Variants in SDK1 observed in about 807,000 individuals in gnomAD.
SDK1 encodes the protein protein sidekick-1.
Under a neutral mutation model 245.5 loss-of-function variants are expected in SDK1, and 157 were observed. That is an observed-to-expected ratio of 0.64 (90% CI 0.56 to 0.73). SDK1 has a LOEUF of 0.73. Ranked by LOEUF, SDK1 falls within the 30% of genes least tolerant of loss-of-function variation. The pLI is 0.00. For synonymous variants in SDK1, 1,647 were observed against 1,278.5 expected, an observed-to-expected ratio of 1.29 and a Z score of -6.15; for missense variants, 3,583 against 3,002.3, an observed-to-expected ratio of 1.19 and a Z score of -4.52.
At chr7:4,193,941 G>C (rs1411111960) in intron 35 of SDK1, among the ~76,000 whole-genome samples, 2 of 152,150 alleles carry the variant, frequency 1.3e-5, no homozygotes, top group African/African-American at 4.8e-5. Context: ...CACGAGCGGT[G>C]AATCAGGAGC....
In SDK1 at chr7:4,174,308, T is replaced by G. The variant is rs671756; in HGVS notation, c.4887T>G (p.Thr1629=). Residue 1629 remains threonine (T), a synonymous_variant, in exon 33 of 45, where the codon ACT becomes ACG. Transcript: ENST00000404826. ...RELEYEAGSG[T]EAKTLKNPIA... Reference sequence around the variant, plus strand: ...TGGAGTATGAAGCCGGGTCAGGCACTGAGGCCAAGACGCTCAAAAACCCTA... The same window carrying G: ...TGGAGTATGAAGCCGGGTCAGGCACGGAGGCCAAGACGCTCAAAAACCCTA... The G allele has an allele frequency of 1.9e-6, 3 of 1,613,698 alleles. No individual in the cohort carries two copies. The highest frequency in any genetic ancestry group is 8.5e-7 in the Non-Finnish European group (1 of 1,179,800).
intron 1 of SDK1, among the ~76,000 whole-genome samples, chr7:3,563,600 G>T (rs1229720657): frequency 6.6e-6 from 1 of 152,168 alleles, no homozygotes; most frequent in Non-Finnish European, 1.5e-5. Flanking sequence ...ATCAACAGTT[G>T]TAGCTGAAAT....
chr7:3,410,380 C>T (rs1253439968), intron 1 of SDK1, among the ~76,000 whole-genome samples: 1 of 152,088 alleles, frequency 6.6e-6, no homozygotes, highest in African/African-American at 2.4e-5. Context: ...TGTGTCCCAT[C>T]TTCAAGATAC....
At chr7:3,704,233 T>C (rs1257714528) in intron 4 of SDK1, among the ~76,000 whole-genome samples, 4 of 152,194 alleles carry the variant, frequency 2.6e-5, no homozygotes, top group African/African-American at 9.6e-5. Flanking sequence ...GTTCTTTTTT[T>C]TATGGATGAG....
intron 1 of SDK1, among the ~76,000 whole-genome samples, chr7:3,581,689 A>G (rs1385924652): frequency 6.6e-6 from 1 of 152,234 alleles, no homozygotes; most frequent in Non-Finnish European, 1.5e-5. Context: ...ACAAAGACAC[A>G]TATACATGGA....
intron 1 of SDK1, among the ~76,000 whole-genome samples, chr7:3,403,042 C>T (rs923678881): frequency 6.6e-6 from 1 of 152,130 alleles, no homozygotes; most frequent in Non-Finnish European, 1.5e-5. Flanking sequence ...TCAAGTGATT[C>T]TCCTGCCTCA....
intron 32 of SDK1, among the ~76,000 whole-genome samples, chr7:4,165,947 T>A: frequency 6.6e-6 from 1 of 152,088 alleles, no homozygotes; most frequent in East Asian, 1.9e-4. Context: ...CCACGATGCT[T>A]GGCTACTTCT....
At chr7:3,817,864 G>C (rs1779548364) in intron 4 of SDK1, among the ~76,000 whole-genome samples, 2 of 152,194 alleles carry the variant, frequency 1.3e-5, no homozygotes, top group Non-Finnish European at 2.9e-5. Context: ...GAAGCACTTA[G>C]CGAGTGCTCA....
At chr7:3,699,583 G>A (rs1415739259) in intron 4 of SDK1, among the ~76,000 whole-genome samples, 1 of 152,112 alleles carries the variant, frequency 6.6e-6, no homozygotes, top group Non-Finnish European at 1.5e-5. Context: ...GAAAATACTT[G>A]ATCTGAACAA....
rs114890852 is a variant in SDK1, at chr7:4,205,860, C to T, written c.5099-19C>T. On this transcript the variant is annotated intron_variant, in intron 35 of 44. Transcript: ENST00000404826. Reference sequence around the variant, plus strand: ...CTGAATGAACGTCTCAGCTTCTCTCCGCATTGCTCTTTCCTCAGCCCCGGC... The same window carrying T: ...CTGAATGAACGTCTCAGCTTCTCTCTGCATTGCTCTTTCCTCAGCCCCGGC... 9.2e-4 allele frequency: 1,422 copies of T among 1,540,610 alleles called. 10 individuals carry two copies. In the African/African-American group the frequency reaches 0.018, roughly 19 times the overall value.
intron 14 of SDK1, among the ~76,000 whole-genome samples, chr7:4,001,787 G>T (rs1281466953): frequency 1.3e-5 from 2 of 152,186 alleles, no homozygotes; most frequent in Admixed American, 6.5e-5. Flanking sequence ...TCTTCCCCCT[G>T]TTCTATGAAG....
chr7:3,911,944 A>G (rs975329216), intron 5 of SDK1, among the ~76,000 whole-genome samples: 12 of 152,144 alleles, frequency 7.9e-5, no homozygotes, highest in Admixed American at 5.2e-4. Flanking sequence ...ACCTGGAAGG[A>G]TGACTCAGAG....
chr7:4,169,685 G>C (rs1193246406), intron 32 of SDK1, among the ~76,000 whole-genome samples: 1 of 152,198 alleles, frequency 6.6e-6, no homozygotes, highest in African/African-American at 2.4e-5. Context: ...CTCAGTGTTT[G>C]CGTGCATTCC....
At chr7:3,826,325 G>T (rs10235729) in intron 5 of SDK1, among the ~76,000 whole-genome samples, 1 of 152,168 alleles carries the variant, frequency 6.6e-6, no homozygotes, top group Non-Finnish European at 1.5e-5. Flanking sequence ...TTTACTTGAC[G>T]TCTCATGGCG....
chr7:3,720,313 T>G (rs1785330863), intron 4 of SDK1, among the ~76,000 whole-genome samples: 1 of 152,066 alleles, frequency 6.6e-6, no homozygotes, highest in East Asian at 1.9e-4. Context: ...AAAAAAAATT[T>G]GTAAACCACG....
chr7:3,830,301 T>C (rs1044477121), intron 5 of SDK1, among the ~76,000 whole-genome samples: 47 of 152,206 alleles, frequency 3.1e-4, no homozygotes, highest in African/African-American at 1.1e-3. Context: ...AATTATTCAG[T>C]AGTGATTTGC....
chr7:4,083,665 T>TCTCCCTTCTTTAC, intron 22 of SDK1, among the ~76,000 whole-genome samples: 1 of 5,844 alleles, frequency 1.7e-4, no homozygotes. Flanking sequence ...CCCTCCCTTC[T>TCTCCCTTCTTTAC]TTCCTCCCTC....
chr7:3,395,112 T>C (rs993523362), intron 1 of SDK1, among the ~76,000 whole-genome samples: 12 of 152,074 alleles, frequency 7.9e-5, no homozygotes, highest in South Asian at 2.1e-4. Context: ...CACCAATATG[T>C]ATTATATTCA....
chr7:3,437,204 A>C (rs921631289), intron 1 of SDK1, among the ~76,000 whole-genome samples: 1 of 152,162 alleles, frequency 6.6e-6, no homozygotes, highest in Non-Finnish European at 1.5e-5. Flanking sequence ...CCAATGCAAA[A>C]AATATGTCTG....
Sources: gnomAD v4.1 joint callset for allele counts (sites outside exome capture counted in the v4.1 genomes callset) on GRCh38, gnomAD v4.1.1 for gene constraint, MANE v1.5 for transcripts, NCBI Gene and HGNC (gene_info 2026-07-23, HGNC 2026-07-21) for gene names.